The following SLC28A1 variants were observed in gnomAD, a reference collection of about 807,000 sequenced individuals.
The protein encoded by SLC28A1 is sodium/nucleoside cotransporter 1.
Under a neutral mutation model 74.8 loss-of-function variants are expected in SLC28A1, and 64 were observed. The ratio of observed to expected loss-of-function variants is 0.86; its 90% CI spans 0.70 to 1.05. The LOEUF (loss-of-function observed/expected upper bound fraction) is 1.05. SLC28A1 is among the 50% of genes least tolerant of loss of function. The probability of loss-of-function intolerance (pLI) is 0.00; values close to 1 mark genes in which losing one functional copy is unlikely to be tolerated. For synonymous variants in SLC28A1, 359 were observed against 335.0 expected (o/e 1.07, Z -0.78); for missense variants, 828 against 822.8 (o/e 1.01, Z -0.08).
chr15:84,898,565 C>T (rs1966269182), intron 6 of SLC28A1, among the ~76,000 whole-genome samples: 2 of 129,438 alleles, frequency 1.5e-5, no homozygotes, highest in Non-Finnish European at 3.2e-5. Context: ...GGCGACAGAG[C>T]AAGACTCCAT....
In SLC28A1 at chr15:84,929,469, G is replaced by A. The variant is rs144410262; in HGVS notation, c.1084-3676G>A. On this transcript the variant is annotated intron_variant, in intron 12 of 18. Transcript: ENST00000394573. ...TGAGGTGGGAGAATTGCTTGAACCC[G>A]GGAGGCAGAGGTTGCAGTGAGCCGA... Among the ~76,000 whole-genome samples, 637 of 151,722 alleles carry A rather than the reference G, an allele frequency of 4.2e-3. 5 individuals carry two copies. The highest frequency in any genetic ancestry group is 0.015 in the African/African-American group (626 of 41,332).
intron 12 of SLC28A1, among the ~76,000 whole-genome samples, chr15:84,931,660 A>T (rs1971307396): frequency 6.7e-6 from 1 of 149,736 alleles, no homozygotes; most frequent in Admixed American, 6.7e-5. Flanking sequence ...TCAAAAAAAA[A>T]AAAAAAAAAA....
chr15:84,963,443 G>A, the SLC28A1 span, among the ~76,000 whole-genome samples: 1 of 152,172 alleles, frequency 6.6e-6, no homozygotes, highest in African/African-American at 2.4e-5. Flanking sequence ...AGAGGGGTGG[G>A]GAAGCAGGAG....
At chr15:84,974,857 T>C in the SLC28A1 span, among the ~76,000 whole-genome samples, 5 of 152,208 alleles carry the variant, frequency 3.3e-5, no homozygotes, top group South Asian at 1.0e-3. Context: ...GTGTGCTATT[T>C]CCCCACTGAG....
chr15:84,905,539 G>C lies in SLC28A1; in HGVS notation c.604G>C (p.Val202Leu), dbSNP rs1290673057. ...AGCTTTCTGTTGGGTGGGGTGGTAG[G>C]TGTCCTGGAGGGCCGTGTCTTGGGG... ...LFACSKHHCA[V>L]SWRAVSWGLG... is the part of the protein sequence containing the mutation. The change falls in exon 8 of 19, where the codon GTG becomes CTG. Residue 202 changes from valine to leucine, a missense_variant and splice_region_variant. Transcript: ENST00000394573. 6.2e-7 allele frequency: 1 copy of C among 1,605,580 alleles called. No individual in the cohort carries two copies. Among genetic ancestry groups the C allele is most frequent in the Admixed American group, 1.7e-5 (1 of 60,006 alleles).
At chr15:84,911,875 A>G (rs11638309) in intron 9 of SLC28A1, among the ~76,000 whole-genome samples, 38,421 of 111,314 alleles carry the variant, frequency 0.35, 6,441 homozygotes, top group Non-Finnish European at 0.44. Flanking sequence ...AAAAAAAAAA[A>G]AAGAAGAAGA....
In SLC28A1 at chr15:84,886,777, A is replaced by G. The variant is rs972032104; in HGVS notation, c.-27A>G. Reference sequence around the variant, plus strand: ...CTCTCTCTCTGAGAGCGACCTGTTAACCGCAAATACGTGAGTAGAAACAGG... The same window carrying G: ...CTCTCTCTCTGAGAGCGACCTGTTAGCCGCAAATACGTGAGTAGAAACAGG... On this transcript the variant is annotated 5_prime_UTR_variant, in exon 2 of 19. Transcript: ENST00000394573. 9 of 985,220 alleles carry G rather than the reference A, an allele frequency of 9.1e-6. No individual in the cohort carries two copies. In the Admixed American group the frequency reaches 2.5e-4, roughly 27 times the overall value. 61.0% of individuals were successfully genotyped at this position (985,220 alleles called of 1,614,324 possible). A position where few individuals can be genotyped will look rare whatever the true frequency, so the allele number is the denominator to read the frequency against.
In SLC28A1 at chr15:84,935,706, C is replaced by T. The variant is rs192566054; in HGVS notation, c.1581+188C>T. ...GGCTTCGCTGCCATCTTTCTCAAGG[C>T]CTTTTAGGAGGCTGAGGTGCGGGGA... On this transcript the variant is annotated intron_variant, in intron 15 of 18. Transcript: ENST00000394573. Among the ~76,000 whole-genome samples, 338 of 152,268 alleles carry T rather than the reference C, an allele frequency of 2.2e-3. 3 individuals are homozygous for T. Among genetic ancestry groups the T allele is most frequent in the Non-Finnish European group, 2.5e-3 (173 of 68,018 alleles).
At chr15:84,887,225 G>A (rs1964698641) in intron 2 of SLC28A1, among the ~76,000 whole-genome samples, 1 of 152,234 alleles carries the variant, frequency 6.6e-6, no homozygotes, top group South Asian at 2.1e-4. Flanking sequence ...TTAACCAGTT[G>A]TAGGGAGTGA....
At chr15:84,952,107 C>T in the SLC28A1 span, among the ~76,000 whole-genome samples, 8 of 152,288 alleles carry the variant, frequency 5.3e-5, no homozygotes, top group East Asian at 1.5e-3. Context: ...CCTTGAAGAA[C>T]AGCAAGGAAC....
In SLC28A1 at chr15:84,939,877, T is replaced by G. The variant is rs369815969; in HGVS notation, c.1582-3568T>G. Among the ~76,000 whole-genome samples, 9 of 152,278 alleles carry G rather than the reference T, an allele frequency of 5.9e-5. No individual in the cohort carries two copies. The South Asian group carries it at 8.3e-4, about 14-fold the overall frequency. ...TCTCACTTTGTCACCCAGGCTGGAGTGCAGTGGTGCAATCACAGCTCACTG... is the reference window on the plus strand; with the variant it reads ...TCTCACTTTGTCACCCAGGCTGGAGGGCAGTGGTGCAATCACAGCTCACTG... On this transcript the variant is annotated intron_variant, in intron 15 of 18. Transcript: ENST00000394573.
intron 15 of SLC28A1, among the ~76,000 whole-genome samples, chr15:84,942,557 T>C (rs973710081): frequency 1.3e-5 from 2 of 152,240 alleles, no homozygotes; most frequent in African/African-American, 4.8e-5. Flanking sequence ...TAATCCTTTT[T>C]ACAGCCCTCC....
At chr15:84,906,991 G>C (rs1967355158) in intron 8 of SLC28A1, among the ~76,000 whole-genome samples, 1 of 152,160 alleles carries the variant, frequency 6.6e-6, no homozygotes, top group South Asian at 2.1e-4. Flanking sequence ...AGTGGAGGAG[G>C]TTGGCTTTAT....
chr15:84,904,012 T>G, intron 6 of SLC28A1, 85 bp from the exon 7 acceptor site: 2 of 1,576,480 alleles, frequency 1.3e-6, no homozygotes, highest in Non-Finnish European at 1.7e-6. Context: ...TGAGCACCCT[T>G]TCTCTGGGTC....
chr15:84,911,194 C>T (rs1472108992), intron 9 of SLC28A1, among the ~76,000 whole-genome samples: 2 of 151,676 alleles, frequency 1.3e-5, no homozygotes, highest in Admixed American at 6.5e-5. Flanking sequence ...TGTGTCTGCC[C>T]CCTGGCCACA....
In SLC28A1 at chr15:84,891,539, G is replaced by A. The variant is rs145806928; in HGVS notation, c.277+1005G>A. Among the ~76,000 whole-genome samples the A allele has an allele frequency of 3.6e-3, 551 of 152,316 alleles. 5 individuals are homozygous for A. The highest frequency in any genetic ancestry group is 0.027 in the Middle Eastern group (8 of 294). On this transcript the variant is annotated intron_variant, in intron 5 of 18. Coordinates refer to ENST00000394573, the MANE Select transcript of SLC28A1 (RefSeq NM_004213.5). ...ACTTGGAGAATGAATTGAGAAGTGG[G>A]TCAAGGACAGAAGCCTGGAGACCAG...
chr15:84,917,207 G>T (rs1969241423), intron 9 of SLC28A1, among the ~76,000 whole-genome samples: 1 of 152,078 alleles, frequency 6.6e-6, no homozygotes, highest in Non-Finnish European at 1.5e-5. Context: ...GCATAAGACT[G>T]CTCCCATGCT....
chr15:84,885,556 A>G (rs551481213), intron 1 of SLC28A1, among the ~76,000 whole-genome samples: 1 of 151,552 alleles, frequency 6.6e-6, no homozygotes, highest in East Asian at 2.0e-4. Flanking sequence ...ACATGGAGAA[A>G]CCCCATCTCT....
intron 9 of SLC28A1, among the ~76,000 whole-genome samples, chr15:84,914,241 T>A (rs561461042): frequency 1.3e-5 from 2 of 152,310 alleles, no homozygotes; most frequent in African/African-American, 4.8e-5. Flanking sequence ...TGAGCCACTG[T>A]GCCTCTTTTA....
Sources: allele counts gnomAD v4.1 joint callset (sites outside exome capture counted in the v4.1 genomes callset), GRCh38; gene constraint gnomAD v4.1.1; transcripts MANE v1.5; gene names NCBI Gene and HGNC (gene_info 2026-07-23, HGNC 2026-07-21).